ARHGEF33: variants seen among roughly 807,000 people sequenced by gnomAD.
ARHGEF33 encodes Rho guanine nucleotide exchange factor 33.
In ARHGEF33, 72 loss-of-function variants were observed where a neutral mutation model predicts 101.9. The ratio of observed to expected loss-of-function variants is 0.71; its 90% confidence interval spans 0.58 to 0.86. ARHGEF33 has a LOEUF of 0.86. ARHGEF33 is among the 40% of genes least tolerant of loss of function. ARHGEF33 has a pLI of 0.00. For missense variants in ARHGEF33, 1,169 were observed against 1,111.3 expected (o/e 1.05, Z -0.74); for synonymous variants, 499 against 442.5 (o/e 1.13, Z -1.60).
At chr2:38,968,656 T>TC (rs1330142687) in intron 17 of ARHGEF33, among the ~76,000 whole-genome samples, 6 of 152,208 alleles carry the variant, frequency 3.9e-5, no homozygotes, top group African/African-American at 1.4e-4. Context: ...CATAGATCAG[T>TC]CCCTCCTGCA....
At chr2:38,931,846 C>T (rs891937994) in intron 7 of ARHGEF33, among the ~76,000 whole-genome samples, 2 of 152,178 alleles carry the variant, frequency 1.3e-5, no homozygotes, top group Non-Finnish European at 2.9e-5. Flanking sequence ...AGCACCTATA[C>T]ACAGAAAAAT....
rs189921834 is a variant in ARHGEF33, at chr2:38,943,267, T to C, written c.791-634T>C. Among the ~76,000 whole-genome samples, 128 of 152,300 alleles carry C rather than the reference T, an allele frequency of 8.4e-4. 2 individuals carry two copies. Among genetic ancestry groups the C allele is most frequent in the South Asian group, 3.1e-3 (15 of 4,828 alleles). On this transcript the variant is annotated intron_variant, in intron 9 of 17. Transcript: ENST00000409978. ...TTGTGTCAGTGTCTGTGGATCTTTT[T>C]CCCTTGGGCAGTTCAGTTTCTCAAG...
At chr2:38,899,578 C>T (rs937952013) in intron 2 of ARHGEF33, among the ~76,000 whole-genome samples, 124 of 152,098 alleles carry the variant, frequency 8.2e-4, no homozygotes, top group African/African-American at 2.8e-3. Flanking sequence ...GGAATGGAGA[C>T]GCGTTGGTCA....
chr2:38,972,075 A>G (rs1668177015), intron 17 of ARHGEF33: 1 of 666,340 alleles, frequency 1.5e-6, no homozygotes, highest in Non-Finnish European at 2.8e-6. Flanking sequence ...TTCTGATGAG[A>G]AACTGTCCTG....
chr2:38,933,566 T>C (rs1667060907), intron 7 of ARHGEF33, among the ~76,000 whole-genome samples: 1 of 152,166 alleles, frequency 6.6e-6, no homozygotes, highest in Non-Finnish European at 1.5e-5. Flanking sequence ...GTATTTTTAG[T>C]AGAGACACGG....
chr2:38,904,231 T>C (rs79524897), intron 2 of ARHGEF33, among the ~76,000 whole-genome samples: 7,326 of 152,204 alleles, frequency 0.048, 208 homozygotes, highest in Middle Eastern at 0.061. Flanking sequence ...TAAGGATTTG[T>C]CCATTGGAGT....
chr2:38,950,316 T>C (rs1667566223), intron 10 of ARHGEF33, among the ~76,000 whole-genome samples: 1 of 152,226 alleles, frequency 6.6e-6, no homozygotes, highest in South Asian at 2.1e-4. Context: ...CTAATTAGAA[T>C]AGACTATTTT....
At position 38,966,158 on chromosome 2, in the gene ARHGEF33, T is replaced by C. The variant is rs992821235; in HGVS notation, c.2483+13T>C. The C allele has an allele frequency of 3.2e-6, 5 of 1,550,358 alleles. No homozygotes were observed. The highest frequency in any genetic ancestry group is 4.4e-6 in the Non-Finnish European group (5 of 1,146,662). ...TCTTTAAAAAGAAGTGAGTAGCCCT[T>C]AGACAAGACAGCATTGTAACTCATT... On this transcript the variant is annotated intron_variant, in intron 17 of 17. Coordinates refer to ENST00000409978, the MANE Select transcript of ARHGEF33 (RefSeq NM_001145451.5).
At chr2:38,968,552 C>G (rs888530023) in intron 17 of ARHGEF33, among the ~76,000 whole-genome samples, 2 of 152,174 alleles carry the variant, frequency 1.3e-5, no homozygotes, top group African/African-American at 4.8e-5. Flanking sequence ...TCTCCAAGTT[C>G]ATGTTGGTTA....
At chr2:38,894,435 GAAT>G (rs370698711) in intron 1 of ARHGEF33, among the ~76,000 whole-genome samples, 19 of 104,722 alleles carry the variant, frequency 1.8e-4, no homozygotes, top group African/African-American at 6.1e-4. Flanking sequence ...AAAAAAAAAA[GAAT>G]AATAATAGAG....
At chr2:38,897,797 G>GAC (rs1666153514) in intron 2 of ARHGEF33, among the ~76,000 whole-genome samples, 1 of 152,216 alleles carries the variant, frequency 6.6e-6, no homozygotes, top group South Asian at 2.1e-4. Flanking sequence ...AGGGAAGAAT[G>GAC]ACATTTGCAC....
intron 7 of ARHGEF33, among the ~76,000 whole-genome samples, chr2:38,932,371 C>G (rs566384387): frequency 3.0e-4 from 46 of 152,334 alleles, no homozygotes; most frequent in Middle Eastern, 6.8e-3. Context: ...AAGTGATCCA[C>G]CCGCCTTGAC....
chr2:38,899,941 C>T (rs1431107881), intron 2 of ARHGEF33, among the ~76,000 whole-genome samples: 1 of 152,016 alleles, frequency 6.6e-6, no homozygotes, highest in African/African-American at 2.4e-5. Context: ...GTAATCCTAG[C>T]ACTTTGGAAG....
chr2:38,959,986 G>A lies in ARHGEF33; in HGVS notation c.1681G>A (p.Ala561Thr). The change falls in exon 16 of 18, where the codon GCC becomes ACC. Residue 561 changes from alanine (A) to threonine (T), a missense_variant. Physicochemically the swap from Ala to Thr is moderately conservative, Grantham distance 58 (BLOSUM62 0). Coordinates refer to ENST00000409978, the MANE Select transcript of ARHGEF33 (RefSeq NM_001145451.5). The stretch of plus-strand genomic sequence containing the variant: ...TCTGGCACCGACGCAGTTCTGCGCG[G>A]CCGAGCAGGACGTGAAGGCGCTGGC... ...SLLAPTQFCA[A>T]EQDVKALAGP... is the part of the protein sequence containing the mutation. 1 of 1,550,840 alleles carries A rather than the reference G, an allele frequency of 6.4e-7. No individual in the cohort carries two copies.
At chr2:38,900,181 A>G (rs1666209427) in intron 2 of ARHGEF33, among the ~76,000 whole-genome samples, 1 of 152,146 alleles carries the variant, frequency 6.6e-6, no homozygotes, top group South Asian at 2.1e-4. Flanking sequence ...GGGCAACAGA[A>G]CAAGACCCCA....
rs757326018 is a variant in ARHGEF33 at position 38,937,435 on chromosome 2, G to A, written c.666G>A (p.Gln222=). The change falls in exon 9 of 18, where the codon CAG becomes CAA. Residue 222 remains glutamine (Q), a synonymous_variant. Coordinates refer to ENST00000409978, the MANE Select transcript of ARHGEF33 (RefSeq NM_001145451.5). ...KGHLPSGMWR[Q]PKDGKEWGEE... is the part of the protein sequence containing the mutation. ...ATCTCCCATCTGGCATGTGGAGGCA[G>A]CCTAAGGATGGTAAAGAATGGGGTG... 68 of 1,548,996 alleles carry A rather than the reference G, an allele frequency of 4.4e-5. 1 individual carries two copies. The South Asian group carries it at 7.9e-4, about 18-fold the overall frequency.
rs1668252372 is a variant in ARHGEF33 at position 38,975,285 on chromosome 2, T to G, written c.*1442T>G. 6.6e-6 allele frequency: 1 copy of G among 152,232 alleles called. No homozygotes were observed. The highest frequency in any genetic ancestry group is 2.1e-4 in the South Asian group (1 of 4,826). The allele number at this position is 152,232 out of a possible 1,614,324, so 9.4% of individuals were successfully genotyped here. On this transcript the variant is annotated 3_prime_UTR_variant, in exon 18 of 18. Coordinates refer to ENST00000409978, the MANE Select transcript of ARHGEF33 (RefSeq NM_001145451.5). ...TTTTTTGAGTTTCCAGGATCTAAGT[T>G]TAAGCCAAGATTTTTGTTTCCCAGA...
chr2:38,921,441 G>T lies in ARHGEF33; in HGVS notation c.75+18G>T, dbSNP rs1666754659. On this transcript the variant is annotated intron_variant, in intron 4 of 17. Coordinates refer to ENST00000409978, the MANE Select transcript of ARHGEF33 (RefSeq NM_001145451.5). ...TTTACCAGGTAAAGACAAATCGATT[G>T]TTTCAAATGCTCCCATGTATAATAG... is the stretch of plus-strand genomic sequence containing the variant. The T allele has an allele frequency of 1.3e-6, 2 of 1,504,516 alleles. No homozygotes were observed. 93.2% of individuals were successfully genotyped at this position (1,504,516 alleles called of 1,614,324 possible). A position where few individuals can be genotyped will look rare whatever the true frequency, so the allele number is the denominator to read the frequency against.
At chr2:38,928,063 C>G (rs376358782) in intron 4 of ARHGEF33, among the ~76,000 whole-genome samples, 19 of 152,294 alleles carry the variant, frequency 1.2e-4, no homozygotes, top group South Asian at 1.2e-3. Flanking sequence ...TCAGTTAATT[C>G]TCAAGGCAGC....
Sources: allele counts gnomAD v4.1 joint callset (sites outside exome capture counted in the v4.1 genomes callset), GRCh38; gene constraint gnomAD v4.1.1; transcripts MANE v1.5; gene names NCBI Gene and HGNC (gene_info 2026-07-23, HGNC 2026-07-21).